The following RALB variants were observed in gnomAD, a reference collection of about 807,000 sequenced individuals.
RALB encodes ras-related protein Ral-B.
In RALB, 16 loss-of-function variants were observed where a neutral mutation model predicts 21.3. That is an observed-to-expected ratio of 0.75 (90% CI 0.51 to 1.14). The LOEUF (loss-of-function observed/expected upper bound fraction) is 1.14, where lower values mean the gene tolerates loss of function less well. Among genes scored for constraint, RALB ranks in the 50% most tolerant of loss-of-function variants. The pLI is 0.00. For synonymous variants in RALB, 93 were observed against 96.1 expected (o/e 0.97, Z 0.19); for missense variants, 161 against 256.2 (o/e 0.63, Z 2.54).
intron 1 of RALB, among the ~76,000 whole-genome samples, chr2:120,247,626 A>G (rs1413654345): frequency 6.6e-6 from 1 of 152,278 alleles, no homozygotes; most frequent in African/African-American, 2.4e-5. Flanking sequence ...GACAATGACT[A>G]AACTGAGAAA....
chr2:120,275,951 A>G (rs1219232561), intron 1 of RALB, among the ~76,000 whole-genome samples: 1 of 152,192 alleles, frequency 6.6e-6, no homozygotes, highest in Non-Finnish European at 1.5e-5. Flanking sequence ...CAGATGTGCT[A>G]GTGGGGAGGC....
At chr2:120,282,547 G>C (rs1187521117) in intron 2 of RALB, among the ~76,000 whole-genome samples, 3 of 125,648 alleles carry the variant, frequency 2.4e-5, no homozygotes, top group African/African-American at 8.8e-5. Flanking sequence ...AGGTTTCTGG[G>C]TGTGTGTGTG....
At chr2:120,286,108 GC>G in intron 3 of RALB, 26 bp downstream of exon 3, 1 of 1,606,442 alleles carries the variant, frequency 6.2e-7, no homozygotes, top group Non-Finnish European at 8.5e-7. Flanking sequence ...AATAGCAGAA[GC>G]CCCCAGGAAG....
intron 1 of RALB, among the ~76,000 whole-genome samples, chr2:120,269,415 C>T (rs1260157164): frequency 6.6e-6 from 1 of 152,138 alleles, no homozygotes; most frequent in Non-Finnish European, 1.5e-5. Flanking sequence ...GTGACCTGAG[C>T]AGGTTGCTGC....
intron 4 of RALB, among the ~76,000 whole-genome samples, chr2:120,291,644 C>A (rs534414364): frequency 1.3e-5 from 2 of 152,206 alleles, no homozygotes; most frequent in Non-Finnish European, 2.9e-5. Flanking sequence ...AGCCCATGAA[C>A]AACTTTGTCA....
chr2:120,266,305 C>T (rs139014706), intron 1 of RALB, among the ~76,000 whole-genome samples: 5 of 152,248 alleles, frequency 3.3e-5, no homozygotes, highest in South Asian at 2.1e-4. Context: ...AGTGCAGTGG[C>T]GCGATCTCGG....
At chr2:120,265,116 A>G (rs543593561) in intron 1 of RALB, among the ~76,000 whole-genome samples, 2 of 152,358 alleles carry the variant, frequency 1.3e-5, no homozygotes, top group African/African-American at 4.8e-5. Flanking sequence ...ACAGCCACGC[A>G]TCACTTAATG....
intron 1 of RALB, among the ~76,000 whole-genome samples, chr2:120,254,299 G>A (rs570325072): frequency 6.6e-6 from 1 of 152,290 alleles, no homozygotes; most frequent in East Asian, 1.9e-4. Flanking sequence ...AGAAGGCCAG[G>A]GAGACATATC....
At chr2:120,274,814 C>G (rs1389125358) in intron 1 of RALB, among the ~76,000 whole-genome samples, 2 of 151,884 alleles carry the variant, frequency 1.3e-5, no homozygotes, top group Non-Finnish European at 2.9e-5. Flanking sequence ...TCACATTTTG[C>G]CTTTGTCTTT....
At chr2:120,254,232 A>C (rs1289226580) in intron 1 of RALB, among the ~76,000 whole-genome samples, 1 of 152,274 alleles carries the variant, frequency 6.6e-6, no homozygotes, top group East Asian at 1.9e-4. Flanking sequence ...GCAACTGTAG[A>C]AGGGTGATGA....
At chr2:120,276,956 A>G (rs965569953) in intron 1 of RALB, among the ~76,000 whole-genome samples, 2 of 152,186 alleles carry the variant, frequency 1.3e-5, no homozygotes, top group Non-Finnish European at 2.9e-5. Context: ...GTTTTGGTAT[A>G]TGTGAAATAG....
At chr2:120,248,253 C>A (rs561462285), upstream of RALB, among the ~76,000 whole-genome samples, 3 of 152,302 alleles carry the variant, frequency 2.0e-5, no homozygotes, top group East Asian at 1.9e-4. Flanking sequence ...CCCACAGAAG[C>A]TTGCCGGGCC....
intron 2 of RALB, among the ~76,000 whole-genome samples, chr2:120,279,470 A>G (rs1689930032): frequency 1.3e-5 from 2 of 152,242 alleles, no homozygotes; most frequent in African/African-American, 4.8e-5. Context: ...ATAACAATGC[A>G]ATGATAAAAA....
intron 1 of RALB, among the ~76,000 whole-genome samples, chr2:120,272,163 G>A (rs1193561993): frequency 6.6e-6 from 1 of 152,178 alleles, no homozygotes; most frequent in Non-Finnish European, 1.5e-5. Context: ...AGATACCTGA[G>A]CTGCCTTCTC....
At chr2:120,275,758 C>T (rs1454614420) in intron 1 of RALB, among the ~76,000 whole-genome samples, 2 of 152,090 alleles carry the variant, frequency 1.3e-5, no homozygotes, top group African/African-American at 2.4e-5. Flanking sequence ...AAAGTGGCCT[C>T]GTTGTCTGGA....
intron 2 of RALB, chr2:120,280,747 G>A (rs928147725): frequency 1.1e-5 from 3 of 281,008 alleles, no homozygotes; most frequent in African/African-American, 7.0e-5. Flanking sequence ...TTGTGAAGCT[G>A]AAAGAACCTC....
chr2:120,259,214 G>A (rs757226858), intron 1 of RALB, among the ~76,000 whole-genome samples: 49 of 152,224 alleles, frequency 3.2e-4, no homozygotes, highest in Non-Finnish European at 6.5e-4. Flanking sequence ...AGGGACCCCA[G>A]CGAGTTGCCA....
rs534387053 is a variant in RALB at position 120,246,831 on chromosome 2, G to A, written c.19+6706G>A. 2.4e-4 allele frequency among the ~76,000 whole-genome samples: 37 copies of A among 151,826 alleles called. No individual in the cohort carries two copies. In the East Asian group the frequency reaches 3.1e-3, roughly 13 times the overall value. ...TGTGGCTGAGTGCAGTCCCCGCTGC[G>A]TCTGGTGTGGAGGCAGCATCCAAGG... On this transcript the variant is annotated intron_variant, in intron 1 of 3. Transcript: ENST00000447591.
intron 2 of RALB, among the ~76,000 whole-genome samples, chr2:120,281,080 G>T (rs1293561323): frequency 6.6e-6 from 1 of 152,210 alleles, no homozygotes; most frequent in Non-Finnish European, 1.5e-5. Context: ...TGGAGCCTCA[G>T]CTGAGTCCTC....
Sources: allele counts gnomAD v4.1 joint callset (sites outside exome capture counted in the v4.1 genomes callset), GRCh38; gene constraint gnomAD v4.1.1; transcripts MANE v1.5; gene names NCBI Gene and HGNC (gene_info 2026-07-23, HGNC 2026-07-21).